VANGL1: variants seen among roughly 807,000 people sequenced by gnomAD.
VANGL1 encodes the protein vang-like protein 1.
In VANGL1, 18 loss-of-function variants were observed where a neutral mutation model predicts 48.4. That is an observed-to-expected ratio of 0.37 (90% CI 0.26 to 0.55). VANGL1 has a LOEUF of 0.55. Ranked by LOEUF, VANGL1 falls within the 20% of genes least tolerant of loss-of-function variation. The probability of loss-of-function intolerance (pLI) is 0.81; values close to 1 mark genes in which losing one functional copy is unlikely to be tolerated. For synonymous variants in VANGL1, 257 were observed against 261.8 expected (o/e 0.98, Z 0.18); for missense variants, 667 against 675.8 (o/e 0.99, Z 0.14).
chr1:115,683,665 C>T (rs1259343181), intron 5 of VANGL1, among the ~76,000 whole-genome samples: 2 of 152,194 alleles, frequency 1.3e-5, no homozygotes, highest in Non-Finnish European at 2.9e-5. Flanking sequence ...TTTTGGCCAA[C>T]ATTTTAATTG....
intron 3 of VANGL1, among the ~76,000 whole-genome samples, chr1:115,661,008 CA>C (rs1652526810): frequency 6.6e-6 from 1 of 152,120 alleles, no homozygotes; most frequent in Admixed American, 6.5e-5. Context: ...TGGCCTACAG[CA>C]AAGGCTCTTC....
At chr1:115,686,147 T>C (rs1186558078) in intron 7 of VANGL1, among the ~76,000 whole-genome samples, 2 of 152,066 alleles carry the variant, frequency 1.3e-5, no homozygotes, top group Non-Finnish European at 2.9e-5. Context: ...CAGAGAGATA[T>C]TATTATTATC....
intron 2 of VANGL1, among the ~76,000 whole-genome samples, chr1:115,658,132 T>C (rs889320410): frequency 1.8e-4 from 28 of 152,196 alleles, no homozygotes; most frequent in Non-Finnish European, 3.5e-4. Flanking sequence ...AGTTATGCTG[T>C]AGGAATAGAA....
intron 4 of VANGL1, among the ~76,000 whole-genome samples, chr1:115,681,130 TTTC>T (rs1224702507): frequency 6.6e-6 from 1 of 152,146 alleles, no homozygotes; most frequent in East Asian, 1.9e-4. Context: ...GAGCCTCAGT[TTTC>T]TTACCTCGAA....
intron 4 of VANGL1, among the ~76,000 whole-genome samples, chr1:115,675,989 C>A (rs1456263339): frequency 6.6e-6 from 1 of 152,086 alleles, no homozygotes; most frequent in Non-Finnish European, 1.5e-5. Context: ...ATTCTAGCCA[C>A]CAACCAACCC....
At chr1:115,680,671 C>T (rs988695989) in intron 4 of VANGL1, among the ~76,000 whole-genome samples, 1 of 152,192 alleles carries the variant, frequency 6.6e-6, no homozygotes, top group Non-Finnish European at 1.5e-5. Context: ...AGCAGGTTAG[C>T]TGACTGACTT....
At position 115,687,941 on chromosome 1, in the gene VANGL1, G is replaced by GGT. The variant is rs1557777135; in HGVS notation, c.1314+2414_1314+2415insGT. 8.1e-5 allele frequency among the ~76,000 whole-genome samples: 6 copies of GGT among 74,300 alleles called. 1 individual carries two copies. The highest frequency in any genetic ancestry group is 3.2e-4 in the Admixed American group (2 of 6,218). 48.7% of individuals were successfully genotyped at this position (74,300 alleles called of 152,430 possible). ...GCCTATATATATCATTCATTAGGTA[G>GGT]ATAGATAGATAGATAGATAGATAGA... On this transcript the variant is annotated intron_variant, in intron 7 of 7. Transcript: ENST00000355485.
In VANGL1 at chr1:115,691,309, T is replaced by A. The variant is rs1653824793; in HGVS notation, c.1505T>A (p.Leu502His). ...VNVKKIPFII[L>H]SEEFIDPKSH... The stretch of plus-strand genomic sequence containing the variant: ...GTGAAGAAAATTCCATTCATCATAC[T>A]CTCTGAAGAGTTCATAGACCCCAAA... Residue 502 changes from leucine to histidine, a missense_variant, in exon 8 of 8, where the codon CTC (leucine) becomes CAC (histidine). Coordinates refer to ENST00000355485, the MANE Select transcript of VANGL1 (RefSeq NM_138959.3). 1 of 1,613,962 alleles carries A rather than the reference T, an allele frequency of 6.2e-7. No individual in the cohort carries two copies. The highest frequency in any genetic ancestry group is 8.5e-7 in the Non-Finnish European group (1 of 1,180,034).
At chr1:115,686,228 T>C (rs977810512) in intron 7 of VANGL1, among the ~76,000 whole-genome samples, 6 of 152,040 alleles carry the variant, frequency 3.9e-5, no homozygotes, top group Non-Finnish European at 5.9e-5. Context: ...CTTGAAACAG[T>C]ACCTGTCATA....
chr1:115,686,950 G>A lies in VANGL1; in HGVS notation c.1314+1423G>A, dbSNP rs916938035. Among the ~76,000 whole-genome samples, 2 of 88,418 alleles carry A rather than the reference G, an allele frequency of 2.3e-5. 1 individual carries two copies. Among genetic ancestry groups the A allele is most frequent in the South Asian group, 7.8e-4 (2 of 2,554 alleles). The allele number at this position is 88,418 out of a possible 152,430, so 58.0% of individuals were successfully genotyped here. The stretch of plus-strand genomic sequence containing the variant: ...AATATGGCAACAAGGCATGTAAATC[G>A]CATGGTAGAGAGTAGATGAGCTTGG... On this transcript the variant is annotated intron_variant, in intron 7 of 7. Transcript: ENST00000355485.
Position 115,663,683 on chromosome 1 carries a change from C to G in VANGL1, c.227C>G (p.Thr76Ser). Residue 76 changes from threonine to serine, a missense_variant, in exon 4 of 8, where the codon ACC becomes AGC. Coordinates refer to ENST00000355485, the MANE Select transcript of VANGL1 (RefSeq NM_138959.3). ...CAGGATGACAACTGGGGAGAGACCA[C>G]CACGGCCATCACAGGCACCTCGGAG... The part of the protein sequence containing the change: ...EVQDDNWGET[T>S]TAITGTSEHS... 6.2e-7 allele frequency: 1 copy of G among 1,614,162 alleles called. No individual in the cohort carries two copies. Among genetic ancestry groups the G allele is most frequent in the Non-Finnish European group, 8.5e-7 (1 of 1,180,038 alleles).
In VANGL1 at chr1:115,689,200, T is replaced by C. The variant is rs751267291; in HGVS notation, c.1315-1919T>C. Among the ~76,000 whole-genome samples, 47 of 138,586 alleles carry C rather than the reference T, an allele frequency of 3.4e-4. 13 individuals are homozygous for C. The highest frequency in any genetic ancestry group is 5.5e-4 in the Non-Finnish European group (35 of 63,472). 90.9% of individuals were successfully genotyped at this position (138,586 alleles called of 152,430 possible). A position where few individuals can be genotyped will look rare whatever the true frequency, so the allele number is the denominator to read the frequency against. On this transcript the variant is annotated intron_variant, in intron 7 of 7. Coordinates refer to ENST00000355485, the MANE Select transcript of VANGL1 (RefSeq NM_138959.3). The stretch of plus-strand genomic sequence containing the variant: ...AGTTTCATTTCTCTAATTGTTATTT[T>C]CTTTTTCTTATGATTCATAGGAGCT...
intron 1 of VANGL1, 32 bp from the exon 2 acceptor site, chr1:115,651,245 T>C (rs969792382): frequency 3.0e-5 from 19 of 633,934 alleles, no homozygotes; most frequent in Non-Finnish European, 5.3e-5. Flanking sequence ...GCTCTGAAGA[T>C]TAATGTCTTT....
chr1:115,690,866 T>TG (rs965706723), intron 7 of VANGL1, among the ~76,000 whole-genome samples: 1 of 152,148 alleles, frequency 6.6e-6, no homozygotes, highest in Non-Finnish European at 1.5e-5. Context: ...CCCTCCCCTC[T>TG]GTGGGTACCA....
chr1:115,642,054 GCGGGCCGCGGAGCT>G lies in VANGL1; in HGVS notation c.-164_-151del, dbSNP rs1651752809. 2 of 151,398 alleles carry G rather than the reference GCGGGCCGCGGAGCT, an allele frequency of 1.3e-5. No individual in the cohort carries two copies. The highest frequency in any genetic ancestry group is 1.3e-4 in the Admixed American group (2 of 15,192). 9.4% of individuals were successfully genotyped at this position (151,398 alleles called of 1,614,324 possible). On this transcript the variant is annotated 5_prime_UTR_variant, in exon 1 of 8. Coordinates refer to ENST00000355485, the MANE Select transcript of VANGL1 (RefSeq NM_138959.3). Reference sequence around the variant, plus strand: ...GCCGGGGCCGCTGTGAGCCGAGACCGCGGGCCGCGGAGCTCGGGCGGCCGGCGCGGAGGTGAGTC... The same window carrying G: ...GCCGGGGCCGCTGTGAGCCGAGACCGCGGGCGGCCGGCGCGGAGGTGAGTC...
At chr1:115,649,480 T>C (rs1388128271) in intron 1 of VANGL1, among the ~76,000 whole-genome samples, 4 of 152,236 alleles carry the variant, frequency 2.6e-5, no homozygotes, top group Non-Finnish European at 2.9e-5. Context: ...ACAGAGACTC[T>C]GCTCTGCTTC....
intron 4 of VANGL1, among the ~76,000 whole-genome samples, chr1:115,667,413 T>G (rs1054441628): frequency 6.6e-6 from 1 of 152,174 alleles, no homozygotes; most frequent in Non-Finnish European, 1.5e-5. Context: ...ATAAATAGAT[T>G]GAGATACTTC....
In VANGL1 at chr1:115,663,741, C is replaced by T. The variant is rs140451005; in HGVS notation, c.285C>T (p.Ile95=). 664 of 1,614,240 alleles carry T rather than the reference C, an allele frequency of 4.1e-4. No individual in the cohort carries two copies. Among genetic ancestry groups the T allele is most frequent in the Admixed American group, 1.6e-3 (98 of 60,026 alleles). The change falls in exon 4 of 8, where the codon ATC becomes ATT. Residue 95 remains isoleucine (I), a synonymous_variant. Coordinates refer to ENST00000355485, the MANE Select transcript of VANGL1 (RefSeq NM_138959.3). ...HSISQEDIAR[I]SKDMEDSVGL... ...TATCCCAAGAGGACATTGCCAGGATCAGCAAGGACATGGAGGACAGCGTGG... is the reference window on the plus strand; with the variant it reads ...TATCCCAAGAGGACATTGCCAGGATTAGCAAGGACATGGAGGACAGCGTGG...
Position 115,691,692 on chromosome 1 carries a change from A to G in VANGL1, c.*313A>G, listed in dbSNP as rs3811012. 0.65 allele frequency: 194,108 copies of G among 299,190 alleles called. 64,692 individuals are homozygous for G. Among genetic ancestry groups the G allele is most frequent in the African/African-American group, 0.83 (37,895 of 45,428 alleles). 18.5% of individuals were successfully genotyped at this position (299,190 alleles called of 1,614,324 possible). A position where few individuals can be genotyped will look rare whatever the true frequency, so the allele number is the denominator to read the frequency against. On this transcript the variant is annotated 3_prime_UTR_variant, in exon 8 of 8. Transcript: ENST00000355485. Reference sequence around the variant, plus strand: ...TCTTGGGAGCCTCGCCTTACAACTAATTCCTGCCTTTCGTCCAGTACCAAG... The same window carrying G: ...TCTTGGGAGCCTCGCCTTACAACTAGTTCCTGCCTTTCGTCCAGTACCAAG...
Sources: allele counts gnomAD v4.1 joint callset (sites outside exome capture counted in the v4.1 genomes callset), GRCh38; gene constraint gnomAD v4.1.1; transcripts MANE v1.5; gene names NCBI Gene and HGNC (gene_info 2026-07-23, HGNC 2026-07-21).